The following NRXN3 variants were observed in gnomAD, a reference collection of about 807,000 sequenced individuals.
The protein encoded by NRXN3 is neurexin 3.
A neutral mutation model predicts 137.6 loss-of-function variants in NRXN3; 32 were observed. That is an observed-to-expected ratio of 0.23 (90% CI 0.18 to 0.31). NRXN3 has a LOEUF of 0.31. Ranked by LOEUF, NRXN3 falls within the 10% of genes least tolerant of loss-of-function variation. The probability of loss-of-function intolerance (pLI) is 1.00; values close to 1 mark genes in which losing one functional copy is unlikely to be tolerated. For synonymous variants in NRXN3, 798 were observed against 784.5 expected (o/e 1.02, Z -0.29); for missense variants, 1,574 against 2,062.5 (o/e 0.76, Z 4.59).
At chr14:78,576,515 G>A (rs57803143) in intron 4 of NRXN3, among the ~76,000 whole-genome samples, 5,147 of 152,104 alleles carry the variant, frequency 0.034, 93 homozygotes, top group Middle Eastern at 0.078. Context: ...TACTGATCTC[G>A]GATAGCTGGC....
chr14:78,406,577 A>G (rs1015340352), intron 4 of NRXN3, among the ~76,000 whole-genome samples: 14 of 152,222 alleles, frequency 9.2e-5, no homozygotes, highest in African/African-American at 3.4e-4. Flanking sequence ...GTCCCATAGC[A>G]GAGGATTTAG....
chr14:79,202,658 A>T (rs1316012768), intron 15 of NRXN3, among the ~76,000 whole-genome samples: 1 of 152,172 alleles, frequency 6.6e-6, no homozygotes, highest in East Asian at 1.9e-4. Flanking sequence ...GAGTTACGTC[A>T]TTTAGAATAA....
intron 10 of NRXN3, among the ~76,000 whole-genome samples, chr14:78,818,522 G>A (rs2098941281): frequency 1.3e-5 from 2 of 151,876 alleles, no homozygotes; most frequent in Non-Finnish European, 1.5e-5. Flanking sequence ...ATAATCTAAA[G>A]GAATATATAT....
At chr14:78,862,333 A>T (rs2099074762) in intron 10 of NRXN3, among the ~76,000 whole-genome samples, 1 of 152,164 alleles carries the variant, frequency 6.6e-6, no homozygotes, top group African/African-American at 2.4e-5. Flanking sequence ...TGAAAAATAG[A>T]TTGACTAGTA....
intron 10 of NRXN3, among the ~76,000 whole-genome samples, chr14:78,844,227 A>G (rs927333644): frequency 3.3e-5 from 5 of 152,116 alleles, no homozygotes; most frequent in Admixed American, 3.3e-4. Flanking sequence ...CGTCTAACTT[A>G]TAAGGATACA....
chr14:79,314,020 T>C (rs1339709972), intron 15 of NRXN3: 1 of 152,014 alleles, frequency 6.6e-6, no homozygotes, highest in Non-Finnish European at 1.5e-5. Flanking sequence ...CTCTGCGTTT[T>C]AGAGTTTCCA....
intron 10 of NRXN3, among the ~76,000 whole-genome samples, chr14:78,828,469 G>A (rs2098973070): frequency 6.6e-6 from 1 of 152,170 alleles, no homozygotes; most frequent in African/African-American, 2.4e-5. Context: ...AAGCCATATA[G>A]CCCTGTCACA....
intron 4 of NRXN3, among the ~76,000 whole-genome samples, chr14:78,551,190 G>A (rs1232928994): frequency 6.6e-6 from 1 of 152,200 alleles, no homozygotes; most frequent in African/African-American, 2.4e-5. Context: ...CATGTAATCA[G>A]AGAAGGGTCC....
At chr14:78,261,602 C>G (rs1457405252) in intron 2 of NRXN3, among the ~76,000 whole-genome samples, 3 of 152,184 alleles carry the variant, frequency 2.0e-5, no homozygotes, top group Non-Finnish European at 2.9e-5. Context: ...AATATTATTT[C>G]AATTACATTG....
intron 2 of NRXN3, among the ~76,000 whole-genome samples, chr14:78,264,946 T>TA (rs1411974513): frequency 2.0e-5 from 3 of 152,172 alleles, no homozygotes; most frequent in Non-Finnish European, 4.4e-5. Context: ...GTGTGATAGT[T>TA]AAAACCATTT....
chr14:79,184,949 T>A (rs1273692981), intron 15 of NRXN3, among the ~76,000 whole-genome samples: 1 of 152,194 alleles, frequency 6.6e-6, no homozygotes, highest in Non-Finnish European at 1.5e-5. Flanking sequence ...TGATATCATG[T>A]GGCATTTGTG....
chr14:78,565,051 A>AT (rs1707187943), intron 4 of NRXN3, among the ~76,000 whole-genome samples: 1 of 152,240 alleles, frequency 6.6e-6, no homozygotes, highest in African/African-American at 2.4e-5. Flanking sequence ...TGTTGTCTAT[A>AT]CAACTACATT....
intron 10 of NRXN3, among the ~76,000 whole-genome samples, chr14:78,851,285 G>A (rs921806155): frequency 1.5e-4 from 23 of 152,130 alleles, no homozygotes; most frequent in African/African-American, 5.3e-4. Context: ...ATATTTTTAC[G>A]GTATAAATAC....
intron 4 of NRXN3, among the ~76,000 whole-genome samples, chr14:78,539,221 T>C (rs569115552): frequency 6.6e-6 from 1 of 152,330 alleles, no homozygotes; most frequent in East Asian, 1.9e-4. Context: ...CTGGTAGAAT[T>C]TGGCAGTGAA....
chr14:79,603,231 CTCCAT>C (rs112198831), intron 16 of NRXN3, among the ~76,000 whole-genome samples: 69,918 of 151,644 alleles, frequency 0.46, 18,257 homozygotes, highest in African/African-American at 0.73. Context: ...TGTCAGGTTA[CTCCAT>C]TCCATTGGCC....
At chr14:79,303,839 C>G (rs1765352018) in intron 15 of NRXN3, among the ~76,000 whole-genome samples, 1 of 151,914 alleles carries the variant, frequency 6.6e-6, no homozygotes, top group African/African-American at 2.4e-5. Context: ...CTGCCTTAGG[C>G]CTTTAAAGAT....
At chr14:78,187,053 T>A (rs1481506420) in intron 1 of NRXN3, among the ~76,000 whole-genome samples, 1 of 152,170 alleles carries the variant, frequency 6.6e-6, no homozygotes, top group Non-Finnish European at 1.5e-5. Context: ...AGCATGACGC[T>A]CGGAGTTATC....
chr14:79,428,152 G>A (rs138964284), intron 15 of NRXN3, among the ~76,000 whole-genome samples: 180 of 152,142 alleles, frequency 1.2e-3, no homozygotes, highest in Admixed American at 2.0e-3. Flanking sequence ...ATCTTCATTC[G>A]CTCCTTCATG....
intron 20 of NRXN3, among the ~76,000 whole-genome samples, chr14:79,808,694 T>G (rs1430641064): frequency 1.3e-5 from 2 of 152,330 alleles, no homozygotes; most frequent in Admixed American, 6.5e-5. Context: ...TCCTGATTAA[T>G]TTACATCCAT....
Sources: gnomAD v4.1 joint callset for allele counts (sites outside exome capture counted in the v4.1 genomes callset) on GRCh38, gnomAD v4.1.1 for gene constraint, MANE v1.5 for transcripts, NCBI Gene and HGNC (gene_info 2026-07-23, HGNC 2026-07-21) for gene names.